Variants in TTC8 observed in about 807,000 individuals in gnomAD.
The protein encoded by TTC8 is tetratricopeptide repeat protein 8.
Under a neutral mutation model 72.5 loss-of-function variants are expected in TTC8, and 47 were observed. The ratio of observed to expected loss-of-function variants is 0.65; its 90% CI spans 0.51 to 0.83. The LOEUF (loss-of-function observed/expected upper bound fraction) is 0.83, where lower values mean the gene tolerates loss of function less well. Ranked by LOEUF, TTC8 falls within the 40% of genes least tolerant of loss-of-function variation. The probability of loss-of-function intolerance (pLI) is 0.00; values close to 1 mark genes in which losing one functional copy is unlikely to be tolerated. For missense variants in TTC8, 611 were observed against 623.2 expected, an observed-to-expected ratio of 0.98 and a Z score of 0.21; for synonymous variants, 199 against 221.4, an observed-to-expected ratio of 0.90 and a Z score of 0.90.
At chr14:88,862,998 G>T (rs936140558) in intron 10 of TTC8, among the ~76,000 whole-genome samples, 1 of 142,168 alleles carries the variant, frequency 7.0e-6, no homozygotes, top group African/African-American at 2.6e-5. Context: ...CATATTGATT[G>T]TAGGATTGGC....
At chr14:88,845,583 C>G (rs1195693660) in intron 7 of TTC8, among the ~76,000 whole-genome samples, 2 of 152,144 alleles carry the variant, frequency 1.3e-5, no homozygotes, top group African/African-American at 4.8e-5. Flanking sequence ...GCCATTTTAA[C>G]TTCATAAAAA....
intron 3 of TTC8, among the ~76,000 whole-genome samples, chr14:88,840,524 A>G (rs2094775169): frequency 6.6e-6 from 1 of 152,166 alleles, no homozygotes; most frequent in Admixed American, 6.5e-5. Flanking sequence ...TAATTGAACT[A>G]TGAAGATAGA....
intron 2 of TTC8, chr14:88,834,006 G>A: frequency 2.2e-6 from 1 of 446,062 alleles, no homozygotes; most frequent in Non-Finnish European, 4.1e-6. Flanking sequence ...GAAAAATAAA[G>A]AAGGAGGTGA....
At chr14:88,856,628 C>A (rs2094857386) in intron 8 of TTC8, among the ~76,000 whole-genome samples, 1 of 152,106 alleles carries the variant, frequency 6.6e-6, no homozygotes. Flanking sequence ...GAGCAAATCT[C>A]AGATTCATAG....
rs2094890629 is a variant in TTC8 at position 88,862,540 on chromosome 14, C to CTATATA, written c.909+1208_909+1209insTATATA. 7.3e-5 allele frequency among the ~76,000 whole-genome samples: 3 copies of CTATATA among 41,166 alleles called. No homozygotes were observed. In the Admixed American group the frequency reaches 1.1e-3, roughly 16 times the overall value. The allele number at this position is 41,166 out of a possible 152,430, so 27.0% of individuals were successfully genotyped here. A position where few individuals can be genotyped will look rare whatever the true frequency, so the allele number is the denominator to read the frequency against. On this transcript the variant is annotated intron_variant, in intron 10 of 14. Transcript: ENST00000380656. ...CATTCCATTCTCTCTCTCTCTCTCT[C>CTATATA]CATATATATATATATATATATATAT...
downstream of TTC8, chr14:88,879,737 C>T (rs1417226308): frequency 3.3e-5 from 5 of 151,560 alleles, no homozygotes; most frequent in Non-Finnish European, 7.4e-5. Context: ...AGTGCAGTGG[C>T]ATGATCTTGG....
chr14:88,848,247 G>T (rs2094817652), intron 7 of TTC8, among the ~76,000 whole-genome samples: 1 of 150,866 alleles, frequency 6.6e-6, no homozygotes. Context: ...GCACATTAGA[G>T]GTGTACTTTT....
chr14:88,824,926 G>T, intron 1 of TTC8, 105 bp downstream of exon 1: 5 of 1,129,984 alleles, frequency 4.4e-6, no homozygotes, highest in Admixed American at 2.0e-5. Context: ...GGCCCGAGGC[G>T]GGGCTGACCG....
Position 88,861,459 on chromosome 14 carries a change from A to G in TTC8, c.909+127A>G, listed in dbSNP as rs1004365671. On this transcript the variant is annotated intron_variant, in intron 10 of 14. Transcript: ENST00000380656. ...TCAAATCAGGGTAATTGAGTTATCT[A>G]TCACCTCAAACATTTATCTTTTCTT... The G allele has an allele frequency of 7.5e-6, 5 of 663,376 alleles. No individual in the cohort carries two copies. In the East Asian group the frequency reaches 8.6e-5, roughly 11 times the overall value. 41.1% of individuals were successfully genotyped at this position (663,376 alleles called of 1,614,324 possible).
rs528946101 is a variant in TTC8 at position 88,877,322 on chromosome 14, C to G, written c.1460C>G (p.Ala487Gly). ...GGAGATCTGCAGAGAAGCTATGTTG[C>G]TGCGCAGAAGTCTGAAGCAGCATTT... ...KIGDLQRSYVAAQKSEAAFPD... is the reference protein window; with the variant it reads ...KIGDLQRSYVGAQKSEAAFPD... Residue 487 changes from alanine to glycine, a missense_variant, in exon 15 of 15, where the codon GCT becomes GGT. Transcript: ENST00000380656. The G allele has an allele frequency of 5.0e-6, 8 of 1,613,564 alleles. No individual in the cohort carries two copies. The highest frequency in any genetic ancestry group is 1.7e-5 in the Admixed American group (1 of 59,974).
At chr14:88,835,831 G>A (rs1019028844) in intron 2 of TTC8, among the ~76,000 whole-genome samples, 3 of 151,774 alleles carry the variant, frequency 2.0e-5, no homozygotes, top group Non-Finnish European at 4.4e-5. Context: ...TACTTGGCTT[G>A]TTTCCAAAGT....
chr14:88,857,454 G>A (rs987675602), intron 9 of TTC8, among the ~76,000 whole-genome samples, 177 bp downstream of exon 9: 1 of 152,102 alleles, frequency 6.6e-6, no homozygotes, highest in Non-Finnish European at 1.5e-5. Flanking sequence ...GAGGGTAACT[G>A]TCTCATAAGA....
chr14:88,832,341 G>A (rs1258289445), intron 1 of TTC8, among the ~76,000 whole-genome samples: 1 of 152,148 alleles, frequency 6.6e-6, no homozygotes, highest in Non-Finnish European at 1.5e-5. Flanking sequence ...GTCTCCTTTA[G>A]CTGTTTTTTC....
rs2094869966 is a variant in TTC8, at chr14:88,858,813, G to T, written c.798+1536G>T. 2.8e-5 allele frequency among the ~76,000 whole-genome samples: 4 copies of T among 141,132 alleles called. No homozygotes were observed. In the South Asian group the frequency reaches 9.1e-4, roughly 32 times the overall value. 92.6% of individuals were successfully genotyped at this position (141,132 alleles called of 152,430 possible). ...AGATGGATTCTTGCTGTGTTGATAG[G>T]CTGGTCTCAAACTCCTGGCCTCAAG... On this transcript the variant is annotated intron_variant, in intron 9 of 14. Coordinates refer to ENST00000380656, the MANE Select transcript of TTC8 (RefSeq NM_144596.4).
intron 2 of TTC8, 194 bp downstream of exon 2, chr14:88,833,916 C>A: frequency 3.3e-6 from 2 of 607,616 alleles, no homozygotes; most frequent in Non-Finnish European, 2.9e-6. Context: ...ATATTGATAG[C>A]CTTGTAGAAC....
At position 88,828,863 on chromosome 14, in the gene TTC8, A is replaced by G. The variant is rs533986226; in HGVS notation, c.114+4042A>G. ...AGGGATACTATTTTGGTGTAGAATC[A>G]TCAAAAGTCTTTAATTATTGCCTTG... On this transcript the variant is annotated intron_variant, in intron 1 of 14. Coordinates refer to ENST00000380656, the MANE Select transcript of TTC8 (RefSeq NM_144596.4). Among the ~76,000 whole-genome samples, 5 of 152,294 alleles carry G rather than the reference A, an allele frequency of 3.3e-5. No individual in the cohort carries two copies. The South Asian group carries it at 1.0e-3, about 32-fold the overall frequency.
At chr14:88,825,571 G>A (rs1456107084) in intron 1 of TTC8, among the ~76,000 whole-genome samples, 1 of 152,196 alleles carries the variant, frequency 6.6e-6, no homozygotes, top group East Asian at 1.9e-4. Context: ...TGGGCAGGTG[G>A]CTCCTGGAAT....
chr14:88,857,325 T>G (rs1344941596), intron 9 of TTC8, 48 bp downstream of exon 9: 3 of 1,517,732 alleles, frequency 2.0e-6, no homozygotes, highest in Non-Finnish European at 2.7e-6. Flanking sequence ...AGAATAAATG[T>G]TTAAATTCTG....
chr14:88,824,631 T>G (rs2094689455), upstream of TTC8: 1 of 1,265,536 alleles, frequency 7.9e-7, no homozygotes, highest in Admixed American at 2.0e-5. Flanking sequence ...CCGGGCAGAG[T>G]CGGACGCCGC....
Sources: gnomAD v4.1 joint callset for allele counts (sites outside exome capture counted in the v4.1 genomes callset) on GRCh38, gnomAD v4.1.1 for gene constraint, MANE v1.5 for transcripts, NCBI Gene and HGNC (gene_info 2026-07-23, HGNC 2026-07-21) for gene names.